Variants in DCC observed in about 807,000 individuals in gnomAD.
The protein encoded by DCC is netrin receptor DCC.
DCC carries 58 observed loss-of-function variants against 172.5 expected under a neutral mutation model. That is an observed-to-expected ratio of 0.34 (90% CI 0.27 to 0.42). The LOEUF (loss-of-function observed/expected upper bound fraction) is 0.42. DCC is among the 10% of genes least tolerant of loss of function. DCC has a pLI of 1.00. For missense variants in DCC, 1,740 were observed against 1,791.0 expected (o/e 0.97, Z 0.51); for synonymous variants, 709 against 644.5 (o/e 1.10, Z -1.52).
At chr18:53,230,650 T>C (rs1446731052) in intron 12 of DCC, among the ~76,000 whole-genome samples, 6 of 152,076 alleles carry the variant, frequency 3.9e-5, no homozygotes, top group African/African-American at 1.4e-4. Context: ...TGTAGTATAA[T>C]AGGCTAATTA....
At chr18:52,963,672 A>T (rs143342576) in intron 5 of DCC, among the ~76,000 whole-genome samples, 1 of 152,100 alleles carries the variant, frequency 6.6e-6, no homozygotes, top group South Asian at 2.1e-4. Flanking sequence ...AATACCTTGA[A>T]TTCTTAACCG....
intron 1 of DCC, among the ~76,000 whole-genome samples, chr18:52,735,530 T>A (rs574259720): frequency 1.3e-4 from 20 of 151,956 alleles, no homozygotes; most frequent in Non-Finnish European, 1.9e-4. Flanking sequence ...CCAGTCTGAG[T>A]CCCAAAACCT....
At chr18:52,968,980 C>G (rs919364749) in intron 5 of DCC, among the ~76,000 whole-genome samples, 2 of 152,134 alleles carry the variant, frequency 1.3e-5, no homozygotes, top group East Asian at 3.9e-4. Flanking sequence ...CATTCTCTCT[C>G]CCTTAGCCTG....
intron 2 of DCC, among the ~76,000 whole-genome samples, chr18:52,838,914 AAAG>A (rs1446655869): frequency 4.6e-5 from 7 of 152,196 alleles, no homozygotes; most frequent in African/African-American, 1.7e-4. Flanking sequence ...GAGGAAGTGA[AAAG>A]AAGGGATTTA....
chr18:53,260,928 G>T (rs915767978), intron 12 of DCC, among the ~76,000 whole-genome samples: 2 of 152,094 alleles, frequency 1.3e-5, no homozygotes, highest in African/African-American at 4.8e-5. Context: ...CAGCCTCGCT[G>T]CCACCTTGCA....
At chr18:53,307,897 GTATATATA>G (rs771876514) in intron 13 of DCC, among the ~76,000 whole-genome samples, 12,863 of 66,490 alleles carry the variant, frequency 0.19, 1,472 homozygotes, top group South Asian at 0.26. Context: ...GTGTGTGTAT[GTATATATA>G]TATATATATA....
chr18:53,118,429 T>A (rs944635940), intron 7 of DCC, among the ~76,000 whole-genome samples: 5 of 151,798 alleles, frequency 3.3e-5, no homozygotes, highest in Non-Finnish European at 1.5e-5. Flanking sequence ...TTATTCCATG[T>A]CATTCTTGGC....
intron 2 of DCC, among the ~76,000 whole-genome samples, chr18:52,829,991 G>T (rs1173778657): frequency 1.3e-5 from 2 of 152,072 alleles, no homozygotes; most frequent in Non-Finnish European, 2.9e-5. Flanking sequence ...AGGAAGTAAA[G>T]GTGCAAGCCT....
rs12956113 is a variant in DCC at position 53,327,492 on chromosome 18, C to G, written c.2164+5335C>G. Among the ~76,000 whole-genome samples the G allele has an allele frequency of 1.1e-4, 16 of 152,082 alleles. No homozygotes were observed. The East Asian group carries it at 3.1e-3, about 30-fold the overall frequency. ...GAGTGAAGAGGTGAAAATTGCTATA[C>G]GCTATCAATAATCATGTGATTTAAA... is the stretch of plus-strand genomic sequence containing the variant. On this transcript the variant is annotated intron_variant, in intron 14 of 28. Coordinates refer to ENST00000442544, the MANE Select transcript of DCC (RefSeq NM_005215.4).
chr18:52,947,648 T>A (rs2040569669), intron 5 of DCC, among the ~76,000 whole-genome samples: 1 of 152,184 alleles, frequency 6.6e-6, no homozygotes, highest in Non-Finnish European at 1.5e-5. Context: ...ATTTTCCAGC[T>A]TGGACTTTGG....
chr18:52,886,397 C>T (rs1055435387), intron 2 of DCC, among the ~76,000 whole-genome samples: 7 of 152,126 alleles, frequency 4.6e-5, no homozygotes, highest in Non-Finnish European at 1.0e-4. Flanking sequence ...CATGAATGGG[C>T]ACCAGCTGAG....
chr18:52,904,069 A>T (rs1435305859), intron 2 of DCC, among the ~76,000 whole-genome samples: 9 of 152,236 alleles, frequency 5.9e-5, no homozygotes, highest in African/African-American at 2.2e-4. Flanking sequence ...CCTGTAGGCA[A>T]TCTGTAGTGT....
At chr18:52,609,391 A>T (rs578078514) in intron 1 of DCC, among the ~76,000 whole-genome samples, 1 of 148,478 alleles carries the variant, frequency 6.7e-6, no homozygotes. Context: ...TCTTATTACA[A>T]TATAGCAGCT....
chr18:53,393,604 A>T (rs895777174), intron 17 of DCC, among the ~76,000 whole-genome samples: 8 of 152,220 alleles, frequency 5.3e-5, no homozygotes, highest in African/African-American at 1.9e-4. Flanking sequence ...CACTTTAAAA[A>T]TTTTATGTCA....
At chr18:53,402,973 C>T (rs955526360) in intron 19 of DCC, 80 bp downstream of exon 19, 2 of 979,646 alleles carry the variant, frequency 2.0e-6, no homozygotes, top group South Asian at 2.6e-5. Context: ...CTGCTCCTGC[C>T]TTTCGTGTGG....
chr18:52,491,966 C>CA (rs200774925), intron 1 of DCC, among the ~76,000 whole-genome samples: 3,868 of 151,642 alleles, frequency 0.026, 77 homozygotes, highest in Non-Finnish European at 0.04. Flanking sequence ...TATGATGAGA[C>CA]AAAAAATATG....
At position 53,530,998 on chromosome 18, in the gene DCC, T is replaced by G; in HGVS notation, c.*345T>G. On this transcript the variant is annotated 3_prime_UTR_variant, in exon 29 of 29. Coordinates refer to ENST00000442544, the MANE Select transcript of DCC (RefSeq NM_005215.4). ...TATGTTTTCCTTTGTCAAGGCCTGTTGTTTAATGTGTAGGTCTAGTCTTAC... is the reference window on the plus strand; with the variant it reads ...TATGTTTTCCTTTGTCAAGGCCTGTGGTTTAATGTGTAGGTCTAGTCTTAC... The G allele has an allele frequency of 2.5e-6, 1 of 394,724 alleles. No homozygotes were observed. Among genetic ancestry groups the G allele is most frequent in the Non-Finnish European group, 4.8e-6 (1 of 207,416 alleles). The allele number at this position is 394,724 out of a possible 1,614,324, so 24.5% of individuals were successfully genotyped here.
intron 1 of DCC, among the ~76,000 whole-genome samples, chr18:52,379,682 A>C (rs1266775371): frequency 1.3e-5 from 2 of 151,760 alleles, no homozygotes; most frequent in Non-Finnish European, 2.9e-5. Context: ...CACTTAACCA[A>C]AAGTTGAGAG....
chr18:53,244,215 C>G (rs1209162190), intron 12 of DCC, among the ~76,000 whole-genome samples: 1 of 152,074 alleles, frequency 6.6e-6, no homozygotes, highest in African/African-American at 2.4e-5. Flanking sequence ...TTTTATAAAT[C>G]TGAAAAATAT....
Sources: allele counts gnomAD v4.1 joint callset (sites outside exome capture counted in the v4.1 genomes callset), GRCh38; gene constraint gnomAD v4.1.1; transcripts MANE v1.5; gene names NCBI Gene and HGNC (gene_info 2026-07-23, HGNC 2026-07-21).